The following RAPGEF1 variants were observed in gnomAD, a reference collection of about 807,000 sequenced individuals.
RAPGEF1 encodes CRK SH3-binding GNRP.
Under a neutral mutation model 143.3 loss-of-function variants are expected in RAPGEF1, and 33 were observed. The observed-to-expected ratio is 0.23, with a 90% CI of 0.17 to 0.31. The LOEUF is 0.31. Ranked by LOEUF, RAPGEF1 falls within the 10% of genes least tolerant of loss-of-function variation. The pLI is 1.00. For missense variants in RAPGEF1, 1,199 were observed against 1,645.4 expected, an observed-to-expected ratio of 0.73 and a Z score of 4.69; for synonymous variants, 629 against 676.5, an observed-to-expected ratio of 0.93 and a Z score of 1.09.
intron 1 of RAPGEF1, among the ~76,000 whole-genome samples, chr9:131,720,484 C>A (rs760936235): frequency 6.6e-6 from 1 of 152,148 alleles, no homozygotes; most frequent in Non-Finnish European, 1.5e-5. Flanking sequence ...CAACCACAGA[C>A]CTACTGAATC....
chr9:131,615,066 T>C (rs182129570), intron 12 of RAPGEF1, among the ~76,000 whole-genome samples: 3 of 152,324 alleles, frequency 2.0e-5, no homozygotes, highest in South Asian at 2.1e-4. Flanking sequence ...GTGTGCAGTA[T>C]GGAGGAAGGT....
Position 131,584,480 on chromosome 9 carries a change from T to TCCCA in RAPGEF1, c.3312+37_3312+38insTGGG. ...GGTCCCGGGCTCCCAGAGCAGGGAC[T>TCCCA]GATGATGGGGGCCTGGGAAGGACTT... On this transcript the variant is annotated intron_variant, in intron 23 of 26. Transcript: ENST00000683357. This position sits in a 1 kb window ranked among gnomAD's most constrained non-coding sequence, Gnocchi z 6.8. The TCCCA allele has an allele frequency of 6.2e-7, 1 of 1,613,026 alleles. No homozygotes were observed. The highest frequency in any genetic ancestry group is 8.5e-7 in the Non-Finnish European group (1 of 1,178,974).
At position 131,582,675 on chromosome 9, in the gene RAPGEF1, C is replaced by T. The variant is rs1294484367; in HGVS notation, c.3442G>A (p.Asp1148Asn). Residue 1148 changes from aspartate to asparagine, a missense_variant, in exon 25 of 27, where the codon GAC becomes AAC. This residue lies in a region of RAPGEF1 where 209 missense variants were observed against 403.0 expected (regional missense o/e 0.52). Transcript: ENST00000683357. ...EGLAEYCTLIDSSSSFRAYRA... is the reference protein window; with the variant it reads ...EGLAEYCTLINSSSSFRAYRA... ...TAGGCTCGGAAGGAGGACGAGCTGT[C>T]GATCAGTGTGCAGTACTCGGCCAGG... 1.9e-6 allele frequency: 3 copies of T among 1,546,230 alleles called. No individual in the cohort carries two copies. Among genetic ancestry groups the T allele is most frequent in the South Asian group, 1.2e-5 (1 of 80,706 alleles).
At chr9:131,668,903 C>A (rs1476366773) in intron 1 of RAPGEF1, among the ~76,000 whole-genome samples, 1 of 152,226 alleles carries the variant, frequency 6.6e-6, no homozygotes, top group Non-Finnish European at 1.5e-5. Flanking sequence ...TTGTTTGGGG[C>A]AGCCTCCGTG....
intron 1 of RAPGEF1, among the ~76,000 whole-genome samples, chr9:131,701,125 A>G (rs1172047124): frequency 6.6e-6 from 1 of 152,214 alleles, no homozygotes; most frequent in African/African-American, 2.4e-5. Context: ...AAAAGTGATT[A>G]AAGTGGGCAC....
intron 1 of RAPGEF1, among the ~76,000 whole-genome samples, chr9:131,698,361 T>A (rs1035182633): frequency 6.6e-6 from 1 of 152,238 alleles, no homozygotes; most frequent in Non-Finnish European, 1.5e-5. Flanking sequence ...ATTCTGCCAC[T>A]TACTAGCTGC....
intron 1 of RAPGEF1, among the ~76,000 whole-genome samples, chr9:131,738,934 G>A (rs977884541): frequency 1.3e-5 from 2 of 152,280 alleles, no homozygotes; most frequent in South Asian, 2.1e-4. Context: ...CCTGCTACCG[G>A]GGTTATGACC....
intron 3 of RAPGEF1, among the ~76,000 whole-genome samples, chr9:131,648,568 T>C (rs980576785): frequency 1.3e-5 from 2 of 152,228 alleles, no homozygotes; most frequent in African/African-American, 4.8e-5. Flanking sequence ...ACTCTACTTG[T>C]AGTTAATACT....
chr9:131,727,310 C>T lies in RAPGEF1; in HGVS notation c.61+12460G>A, dbSNP rs771884654. 2.6e-5 allele frequency among the ~76,000 whole-genome samples: 4 copies of T among 152,170 alleles called. No homozygotes were observed. In the South Asian group the frequency reaches 6.2e-4, roughly 24 times the overall value. ...CTTATCATATAGTAGTGGGAATTTACGGCTTGGCAGAAACATGTCCACACA... is the reference window on the plus strand; with the variant it reads ...CTTATCATATAGTAGTGGGAATTTATGGCTTGGCAGAAACATGTCCACACA... On this transcript the variant is annotated intron_variant, in intron 1 of 26. Coordinates refer to ENST00000683357, the MANE Select transcript of RAPGEF1 (RefSeq NM_001377935.1).
intron 12 of RAPGEF1, among the ~76,000 whole-genome samples, chr9:131,616,486 C>T (rs1959032486): frequency 6.6e-6 from 1 of 152,194 alleles, no homozygotes; most frequent in South Asian, 2.1e-4. Context: ...TTAAACCCAT[C>T]CCTGGTATCA....
At chr9:131,654,158 T>C (rs1452118473) in intron 1 of RAPGEF1, among the ~76,000 whole-genome samples, 1 of 152,110 alleles carries the variant, frequency 6.6e-6, no homozygotes, top group Non-Finnish European at 1.5e-5. Flanking sequence ...ATAATCAGTA[T>C]GGAGTTTTTT....
chr9:131,650,349 T>C lies in RAPGEF1; in HGVS notation c.202-107A>G. 1.2e-6 allele frequency: 1 copy of C among 811,104 alleles called. No individual in the cohort carries two copies. Among genetic ancestry groups the C allele is most frequent in the Non-Finnish European group, 1.9e-6 (1 of 513,430 alleles). 50.2% of individuals were successfully genotyped at this position (811,104 alleles called of 1,614,324 possible). A position where few individuals can be genotyped will look rare whatever the true frequency, so the allele number is the denominator to read the frequency against. ...GCTGTTTCAACATATCTGGCTTGAC[T>C]GGCCCTGCTGAGGCCACTAACTCTT... On this transcript the variant is annotated intron_variant, in intron 2 of 26. Coordinates refer to ENST00000683357, the MANE Select transcript of RAPGEF1 (RefSeq NM_001377935.1). The surrounding 1 kb of genome is among the most constrained non-coding windows in gnomAD (Gnocchi z 4.7).
chr9:131,621,146 C>T lies in RAPGEF1; in HGVS notation c.1905+650G>A, dbSNP rs1307317669. Among the ~76,000 whole-genome samples, 1 of 152,266 alleles carries T rather than the reference C, an allele frequency of 6.6e-6. No individual in the cohort carries two copies. The highest frequency in any genetic ancestry group is 1.5e-5 in the Non-Finnish European group (1 of 68,044). On this transcript the variant is annotated intron_variant, in intron 11 of 26. Transcript: ENST00000683357. The surrounding 1 kb of genome is among the most constrained non-coding windows in gnomAD (Gnocchi z 4.5). ...TCACCCTCCCAGTGCCTGGGCAGTT[C>T]CAGAGCCTCATGGGGTGCCCACGGT...
intron 3 of RAPGEF1, among the ~76,000 whole-genome samples, chr9:131,644,048 A>G (rs1350791821): frequency 1.3e-5 from 2 of 152,224 alleles, no homozygotes; most frequent in Non-Finnish European, 2.9e-5. Flanking sequence ...AAGCCAGAGC[A>G]GATGACCGTG....
chr9:131,645,282 A>G (rs541931613), intron 3 of RAPGEF1, among the ~76,000 whole-genome samples: 55 of 152,342 alleles, frequency 3.6e-4, no homozygotes, highest in African/African-American at 1.2e-3. Flanking sequence ...TAACACTGCC[A>G]CCTTAGCACA....
intron 1 of RAPGEF1, among the ~76,000 whole-genome samples, chr9:131,662,575 T>C (rs2133680369): frequency 6.7e-6 from 1 of 149,184 alleles, no homozygotes; most frequent in East Asian, 2.0e-4. Context: ...TGAGATGGAG[T>C]CTCACTCTGT....
chr9:131,710,807 T>C (rs962737490), intron 1 of RAPGEF1, among the ~76,000 whole-genome samples: 1 of 152,110 alleles, frequency 6.6e-6, no homozygotes. Flanking sequence ...GAGAATCACT[T>C]GAACCTGGGA....
In RAPGEF1 at chr9:131,675,348, G is replaced by A. The variant is rs759522006; in HGVS notation, c.62-24399C>T. On this transcript the variant is annotated intron_variant, in intron 1 of 26. Transcript: ENST00000683357. This position sits in a 1 kb window ranked among gnomAD's most constrained non-coding sequence, Gnocchi z 4.6. The stretch of plus-strand genomic sequence containing the variant: ...CCAGGGGCTGGGCGAGGCTGTGGAG[G>A]AGGGCTCTGCGGGAGCAGGGAGCCC... Among the ~76,000 whole-genome samples, 5 of 152,214 alleles carry A rather than the reference G, an allele frequency of 3.3e-5. No individual in the cohort carries two copies. In the South Asian group the frequency reaches 1.0e-3, roughly 31 times the overall value.
chr9:131,624,094 C>T (rs1445762865), intron 10 of RAPGEF1, among the ~76,000 whole-genome samples: 1 of 152,116 alleles, frequency 6.6e-6, no homozygotes, highest in Non-Finnish European at 1.5e-5. Context: ...AGGGCTGAAT[C>T]TCTTCCTCCT....
Sources: gnomAD v4.1 joint callset for allele counts (sites outside exome capture counted in the v4.1 genomes callset) on GRCh38, gnomAD v4.1.1 for gene constraint, gnomAD v4.1.1 regional missense constraint, Gnocchi (gnomAD v3.1) non-coding constraint, MANE v1.5 for transcripts, NCBI Gene and HGNC (gene_info 2026-07-23, HGNC 2026-07-21) for gene names.